The following KIF5C variants were observed in gnomAD, a reference collection of about 807,000 sequenced individuals.
The protein encoded by KIF5C is kinesin heavy chain isoform 5C.
Under a neutral mutation model 125.2 loss-of-function variants are expected in KIF5C, and 18 were observed. That is an observed-to-expected ratio of 0.14 (90% CI 0.10 to 0.21). The LOEUF is 0.21. Ranked by LOEUF, KIF5C falls within the 10% of genes least tolerant of loss-of-function variation. KIF5C has a pLI of 1.00. For missense variants in KIF5C, 780 were observed against 1,183.8 expected (o/e 0.66, Z 5.01); for synonymous variants, 405 against 434.0 (o/e 0.93, Z 0.83).
chr2:148,906,937 G>A (rs1282199546), intron 1 of KIF5C, among the ~76,000 whole-genome samples: 1 of 152,084 alleles, frequency 6.6e-6, no homozygotes, highest in Non-Finnish European at 1.5e-5. Context: ...CATGTGTTTT[G>A]TAGTCCTAGC....
chr2:148,958,291 A>G (rs1682846566), intron 10 of KIF5C, among the ~76,000 whole-genome samples: 1 of 151,806 alleles, frequency 6.6e-6, no homozygotes, highest in South Asian at 2.1e-4. Context: ...AATAATTCAC[A>G]CTCTCTCCAG....
intron 1 of KIF5C, among the ~76,000 whole-genome samples, chr2:148,898,576 G>A (rs1244329357): frequency 1.3e-5 from 2 of 152,160 alleles, no homozygotes; most frequent in African/African-American, 2.4e-5. Context: ...CCAAACTGAT[G>A]GCCTCATGAG....
At chr2:148,918,424 A>G (rs1681647319) in intron 1 of KIF5C, among the ~76,000 whole-genome samples, 1 of 152,230 alleles carries the variant, frequency 6.6e-6, no homozygotes, top group African/African-American at 2.4e-5. Flanking sequence ...TTGATTGATA[A>G]TTAGTCACAT....
At chr2:148,971,405 G>T (rs1168168140) in intron 11 of KIF5C, among the ~76,000 whole-genome samples, 1 of 151,980 alleles carries the variant, frequency 6.6e-6, no homozygotes, top group Non-Finnish European at 1.5e-5. Context: ...CATGGATTTA[G>T]CAGACTGTAG....
At chr2:148,935,888 A>G (rs1682279977) in intron 3 of KIF5C, among the ~76,000 whole-genome samples, 1 of 152,234 alleles carries the variant, frequency 6.6e-6, no homozygotes, top group Non-Finnish European at 1.5e-5. Flanking sequence ...TTTAGGAAGT[A>G]TGCAGTCAAA....
intron 11 of KIF5C, among the ~76,000 whole-genome samples, chr2:148,962,468 C>G (rs573214963): frequency 1.5e-4 from 23 of 151,940 alleles, no homozygotes; most frequent in African/African-American, 5.6e-4. Context: ...CGTGAGCCAC[C>G]GTGCCTGGCC....
At chr2:149,009,567 C>A (rs898652061) in intron 23 of KIF5C, among the ~76,000 whole-genome samples, 6 of 152,132 alleles carry the variant, frequency 3.9e-5, no homozygotes, top group Non-Finnish European at 7.3e-5. Context: ...TGAGCCCACT[C>A]CTACCTAGGG....
rs529288716 is a variant in KIF5C, at chr2:148,994,789, G to A, written c.2023+251G>A. Among the ~76,000 whole-genome samples the A allele has an allele frequency of 1.5e-4, 22 of 151,326 alleles. 1 individual carries two copies. The South Asian group carries it at 4.4e-3, about 30-fold the overall frequency. ...ATAATCTCAGTTCACTGCAACCTCC[G>A]CTTCCCGGTTCCAGCGATTCTCCTG... On this transcript the variant is annotated intron_variant, in intron 17 of 25. Coordinates refer to ENST00000435030, the MANE Select transcript of KIF5C (RefSeq NM_004522.3).
intron 25 of KIF5C, among the ~76,000 whole-genome samples, chr2:149,017,098 G>A (rs896461592): frequency 2.8e-4 from 42 of 152,310 alleles, no homozygotes; most frequent in Admixed American, 2.6e-3. Context: ...AAATAGAGCC[G>A]GCAGCTGAAC....
chr2:149,012,418 G>T (rs1682235773), intron 25 of KIF5C, among the ~76,000 whole-genome samples: 1 of 152,214 alleles, frequency 6.6e-6, no homozygotes, highest in South Asian at 2.1e-4. Context: ...TGAACATGCA[G>T]ATGGGAAGAG....
chr2:148,999,372 A>G (rs139874429), intron 19 of KIF5C, among the ~76,000 whole-genome samples: 202 of 152,242 alleles, frequency 1.3e-3, no homozygotes, highest in African/African-American at 4.6e-3. Context: ...AATAGGAATC[A>G]GATTGGAGTT....
chr2:148,920,850 T>C (rs537479740), intron 1 of KIF5C, among the ~76,000 whole-genome samples: 2 of 152,294 alleles, frequency 1.3e-5, no homozygotes, highest in East Asian at 3.9e-4. Flanking sequence ...GTTCCTGGTG[T>C]CCAGAGCCAC....
chr2:148,933,159 C>T (rs969131337), intron 3 of KIF5C, among the ~76,000 whole-genome samples: 4 of 152,150 alleles, frequency 2.6e-5, no homozygotes, highest in East Asian at 1.9e-4. Context: ...TCGCCTTCTC[C>T]GCCCACATCC....
chr2:148,889,867 A>G (rs1485828604), intron 1 of KIF5C, among the ~76,000 whole-genome samples: 1 of 152,218 alleles, frequency 6.6e-6, no homozygotes, highest in Non-Finnish European at 1.5e-5. Context: ...GAGTAAGGTA[A>G]ACAAAAGGAA....
At chr2:148,904,366 T>C (rs1681019969) in intron 1 of KIF5C, among the ~76,000 whole-genome samples, 1 of 152,196 alleles carries the variant, frequency 6.6e-6, no homozygotes, top group African/African-American at 2.4e-5. Flanking sequence ...TTCCTTAACT[T>C]CTCTAATGGT....
At chr2:149,019,025 A>G (rs539321211) in intron 25 of KIF5C, among the ~76,000 whole-genome samples, 1 of 152,378 alleles carries the variant, frequency 6.6e-6, no homozygotes, top group African/African-American at 2.4e-5. Flanking sequence ...CAAAACAAAA[A>G]ATAGCCAAAT....
Position 148,991,050 on chromosome 2 carries a change from T to G in KIF5C, c.1757T>G (p.Met586Arg). 2 of 1,613,706 alleles carry G rather than the reference T, an allele frequency of 1.2e-6. No individual in the cohort carries two copies. Among genetic ancestry groups the G allele is most frequent in the Non-Finnish European group, 1.7e-6 (2 of 1,179,758 alleles). Residue 586 changes from methionine (M) to arginine (R), a missense_variant, in exon 16 of 26, where the codon ATG becomes AGG. Met to Arg is a moderately conservative substitution (Grantham distance 91). Coordinates refer to ENST00000435030, the MANE Select transcript of KIF5C (RefSeq NM_004522.3). ...GGAGTCATTGAGGAGGAGTTTACCATGGCCCGCCTGTACATCAGCAAGATG... is the reference window on the plus strand; with the variant it reads ...GGAGTCATTGAGGAGGAGTTTACCAGGGCCCGCCTGTACATCAGCAAGATG... ...VNGVIEEEFT[M>R]ARLYISKMKS...
At chr2:148,892,992 G>A (rs1681748855) in intron 1 of KIF5C, among the ~76,000 whole-genome samples, 1 of 152,012 alleles carries the variant, frequency 6.6e-6, no homozygotes, top group Non-Finnish European at 1.5e-5. Flanking sequence ...TATTGCATTG[G>A]ATTGGACCTG....
At chr2:148,994,612 G>A in intron 17 of KIF5C, 74 bp downstream of exon 17, 2 of 1,502,426 alleles carry the variant, frequency 1.3e-6, no homozygotes, top group African/African-American at 1.4e-5. Flanking sequence ...CTGGAATCAT[G>A]ATGTTTAGTT....
Sources: gnomAD v4.1 joint callset for allele counts (sites outside exome capture counted in the v4.1 genomes callset) on GRCh38, gnomAD v4.1.1 for gene constraint, MANE v1.5 for transcripts, NCBI Gene and HGNC (gene_info 2026-07-23, HGNC 2026-07-21) for gene names.